The following VAV2 variants were observed in gnomAD, a reference collection of about 807,000 sequenced individuals.
VAV2 encodes vav guanine nucleotide exchange factor 2, also known as guanine nucleotide exchange factor VAV2.
Under a neutral mutation model 132.5 loss-of-function variants are expected in VAV2, and 67 were observed. The ratio of observed to expected loss-of-function variants is 0.51; its 90% CI spans 0.42 to 0.62. The LOEUF (loss-of-function observed/expected upper bound fraction) is 0.62. Ranked by LOEUF, VAV2 falls within the 20% of genes least tolerant of loss-of-function variation. VAV2 has a pLI of 0.00. For missense variants in VAV2, 938 were observed against 1,153.6 expected (o/e 0.81, Z 2.71); for synonymous variants, 492 against 443.5 (o/e 1.11, Z -1.37).
At chr9:133,817,346 C>T (rs7038489) in intron 4 of VAV2, among the ~76,000 whole-genome samples, 26,950 of 152,152 alleles carry the variant, frequency 0.18, 2,579 homozygotes, top group African/African-American at 0.24. Flanking sequence ...TCTTTCCTCC[C>T]TGTTATTTGA....
intron 1 of VAV2, among the ~76,000 whole-genome samples, chr9:133,950,060 T>G (rs1841504839): frequency 6.6e-6 from 1 of 152,058 alleles, no homozygotes; most frequent in African/African-American, 2.4e-5. Flanking sequence ...GGTCTGTCTG[T>G]CCACAGCCCC....
At chr9:133,800,313 G>A (rs992768633) in intron 9 of VAV2, among the ~76,000 whole-genome samples, 4 of 152,224 alleles carry the variant, frequency 2.6e-5, no homozygotes, top group African/African-American at 9.6e-5. Context: ...GACTCTAGGT[G>A]GGGAAGCCAG....
chr9:133,851,800 A>AATGG (rs141641770), intron 3 of VAV2, among the ~76,000 whole-genome samples: 5,585 of 138,036 alleles, frequency 0.04, 255 homozygotes, highest in African/African-American at 0.14. Context: ...TGGGTGAATA[A>AATGG]ATGGATGGAT....
chr9:133,874,102 G>T (rs925487992), intron 2 of VAV2, among the ~76,000 whole-genome samples: 1 of 152,182 alleles, frequency 6.6e-6, no homozygotes, highest in African/African-American at 2.4e-5. Flanking sequence ...GCAGAGCCCG[G>T]CTCTCCACGC....
At chr9:133,933,399 T>C (rs902695476) in intron 2 of VAV2, among the ~76,000 whole-genome samples, 2 of 152,254 alleles carry the variant, frequency 1.3e-5, no homozygotes, top group African/African-American at 2.4e-5. Context: ...AACAGAATGA[T>C]AGATGGATGA....
intron 9 of VAV2, among the ~76,000 whole-genome samples, chr9:133,800,763 A>G (rs1834898706): frequency 6.6e-6 from 1 of 152,218 alleles, no homozygotes; most frequent in East Asian, 1.9e-4. Context: ...GCTGGAGTGC[A>G]GATCCCAGCC....
chr9:133,773,778 TAAA>T (rs1223298987), intron 25 of VAV2, among the ~76,000 whole-genome samples: 1 of 152,124 alleles, frequency 6.6e-6, no homozygotes, highest in Non-Finnish European at 1.5e-5. Context: ...TGCTCTAAAA[TAAA>T]AAGCACTGTA....
chr9:133,816,838 T>C (rs900655941), intron 4 of VAV2, among the ~76,000 whole-genome samples: 8 of 152,264 alleles, frequency 5.3e-5, no homozygotes, highest in African/African-American at 1.9e-4. Flanking sequence ...ATAACTACTC[T>C]ATTCCATCCA....
intron 3 of VAV2, among the ~76,000 whole-genome samples, chr9:133,849,705 C>T (rs1837092319): frequency 6.6e-6 from 1 of 152,336 alleles, no homozygotes; most frequent in African/African-American, 2.4e-5. Context: ...CTTCCTGCCT[C>T]TTCCAGCTCA....
intron 2 of VAV2, among the ~76,000 whole-genome samples, chr9:133,886,720 G>A (rs954164509): frequency 1.3e-5 from 2 of 152,180 alleles, no homozygotes; most frequent in Admixed American, 6.5e-5. Flanking sequence ...TTCCTCTTCC[G>A]CTGGCAACAC....
chr9:133,793,910 G>A (rs1236588697), intron 12 of VAV2, among the ~76,000 whole-genome samples: 1 of 152,104 alleles, frequency 6.6e-6, no homozygotes, highest in Non-Finnish European at 1.5e-5. Context: ...TATATAAATT[G>A]GGAATGGATC....
intron 4 of VAV2, among the ~76,000 whole-genome samples, chr9:133,817,176 C>T (rs560259995): frequency 7.2e-4 from 110 of 152,342 alleles, no homozygotes; most frequent in African/African-American, 2.4e-3. Context: ...TGTAGTATTA[C>T]GACAGAGGCT....
chr9:133,846,453 C>T (rs775531793), intron 3 of VAV2, among the ~76,000 whole-genome samples: 1 of 152,222 alleles, frequency 6.6e-6, no homozygotes, highest in Non-Finnish European at 1.5e-5. Context: ...TGAGGCCAGG[C>T]AGGGCCAGAG....
At chr9:133,784,133 G>A (rs533502128) in intron 18 of VAV2, among the ~76,000 whole-genome samples, 184 bp downstream of exon 18, 8 of 152,306 alleles carry the variant, frequency 5.3e-5, no homozygotes, top group Admixed American at 2.6e-4. Flanking sequence ...GCCTGCCTCA[G>A]CCTCCCAAAG....
chr9:133,858,411 C>G (rs1837466675), intron 3 of VAV2, among the ~76,000 whole-genome samples: 1 of 152,202 alleles, frequency 6.6e-6, no homozygotes, highest in Admixed American at 6.5e-5. Context: ...GCTGGGAGAA[C>G]TGAGCACTAT....
intron 12 of VAV2, among the ~76,000 whole-genome samples, chr9:133,795,425 T>C (rs756835142): frequency 3.3e-5 from 5 of 152,052 alleles, no homozygotes; most frequent in Admixed American, 6.5e-5. Flanking sequence ...GGAGGTCTTG[T>C]TGGACAGGTG....
chr9:133,880,539 C>CG (rs1449947897), intron 2 of VAV2, among the ~76,000 whole-genome samples: 1 of 151,948 alleles, frequency 6.6e-6, no homozygotes, highest in African/African-American at 2.4e-5. Context: ...GGGGTGGGTG[C>CG]GGGGGGCACT....
chr9:133,908,208 T>C (rs1465504551), intron 2 of VAV2, among the ~76,000 whole-genome samples: 1 of 150,870 alleles, frequency 6.6e-6, no homozygotes, highest in Non-Finnish European at 1.5e-5. Context: ...AGTGGCACCA[T>C]AGTCCTTGCG....
chr9:133,832,643 C>T (rs961518131), intron 4 of VAV2, among the ~76,000 whole-genome samples: 1 of 152,160 alleles, frequency 6.6e-6, no homozygotes. Context: ...ACTGTAACCT[C>T]CGCCTCCTGA....
Sources: gnomAD v4.1 joint callset for allele counts (sites outside exome capture counted in the v4.1 genomes callset) on GRCh38, gnomAD v4.1.1 for gene constraint, MANE v1.5 for transcripts, NCBI Gene and HGNC (gene_info 2026-07-23, HGNC 2026-07-21) for gene names.